ZNF491: variants seen among roughly 807,000 people sequenced by gnomAD.
ZNF491 encodes zinc finger protein 491.
ZNF491 carries 22 observed loss-of-function variants against 34.7 expected under a neutral mutation model. The observed-to-expected ratio is 0.63, with a 90% CI of 0.45 to 0.90. The LOEUF (loss-of-function observed/expected upper bound fraction) is 0.90, where lower values mean the gene tolerates loss of function less well. Ranked by LOEUF, ZNF491 falls within the 40% of genes least tolerant of loss-of-function variation. The pLI is 0.00. For missense variants in ZNF491, 559 were observed against 531.7 expected (o/e 1.05, Z -0.51); for synonymous variants, 148 against 174.3 (o/e 0.85, Z 1.19).
rs1469276313 is a variant in ZNF491, at chr19:11,799,946, G to A, written c.-134+1219G>A. ...ACTCTGTTAAAAAAAAAAAAAATTA[G>A]TCAGGTATGATGGCCGCTTCTGTAG... On this transcript the variant is annotated intron_variant, in intron 1 of 2. Transcript: ENST00000323169. Among the ~76,000 whole-genome samples, 8 of 151,400 alleles carry A rather than the reference G, an allele frequency of 5.3e-5. 1 individual carries two copies. Among genetic ancestry groups the A allele is most frequent in the Admixed American group, 5.3e-4 (8 of 15,206 alleles).
chr19:11,801,063 G>A (rs1056043246), intron 1 of ZNF491, among the ~76,000 whole-genome samples: 20 of 152,034 alleles, frequency 1.3e-4, no homozygotes, highest in African/African-American at 4.3e-4. Flanking sequence ...TTAGGGCTTG[G>A]CATGCTGGCT....
intron 2 of ZNF491, among the ~76,000 whole-genome samples, chr19:11,805,099 C>T (rs917882503): frequency 6.6e-6 from 1 of 152,126 alleles, no homozygotes; most frequent in East Asian, 1.9e-4. Flanking sequence ...CATAAAATAG[C>T]TTACTTGGAA....
chr19:11,803,842 A>G (rs1041211284), intron 1 of ZNF491, among the ~76,000 whole-genome samples: 1 of 152,196 alleles, frequency 6.6e-6, no homozygotes, highest in Non-Finnish European at 1.5e-5. Flanking sequence ...GAAGTGAGTC[A>G]CTAAGTCCAG....
At chr19:11,803,262 C>T (rs1457238685) in intron 1 of ZNF491, among the ~76,000 whole-genome samples, 2 of 152,080 alleles carry the variant, frequency 1.3e-5, no homozygotes, top group Non-Finnish European at 2.9e-5. Context: ...GGATTACAGG[C>T]GTGAGCTACC....
chr19:11,802,877 CTG>C (rs751797003), intron 1 of ZNF491, among the ~76,000 whole-genome samples: 4 of 152,014 alleles, frequency 2.6e-5, no homozygotes, highest in Non-Finnish European at 5.9e-5. Context: ...TAGTAGGACT[CTG>C]TTACAAAAGA....
rs763961665 is a variant in ZNF491, at chr19:11,806,138, A to C, written c.185A>C (p.His62Pro). Residue 62 changes from histidine to proline, a missense_variant, in exon 3 of 3, where the codon CAC (histidine) becomes CCC (proline). His to Pro is a moderately conservative substitution (Grantham distance 77). Coordinates refer to ENST00000323169, the MANE Select transcript of ZNF491 (RefSeq NM_152356.4). The stretch of plus-strand genomic sequence containing the variant: ...AGGAACATCAGAACTGACACTGGAC[A>C]CCAACCACATAAGTGTCAGAAATTT... ...FNRNIRTDTG[H>P]QPHKCQKFLE... The C allele has an allele frequency of 6.2e-7, 1 of 1,613,976 alleles. No homozygotes were observed. Among genetic ancestry groups the C allele is most frequent in the Admixed American group, 1.7e-5 (1 of 60,014 alleles).
In ZNF491 at chr19:11,806,755, G is replaced by A; in HGVS notation, c.802G>A (p.Glu268Lys). Reference sequence around the variant, plus strand: ...AAGACACATGAGAATGCACACTGGAGAGAGGCCTCATAAATGTAAGATATG... The same window carrying A: ...AAGACACATGAGAATGCACACTGGAAAGAGGCCTCATAAATGTAAGATATG... ...FRRHMRMHTG[E>K]RPHKCKICGK... Residue 268 changes from glutamate (E) to lysine (K), a missense_variant, in exon 3 of 3, where the codon GAG (glutamate) becomes AAG (lysine). Coordinates refer to ENST00000323169, the MANE Select transcript of ZNF491 (RefSeq NM_152356.4). 1 of 1,613,824 alleles carries A rather than the reference G, an allele frequency of 6.2e-7. No homozygotes were observed.
chr19:11,802,078 T>G (rs1177599728), intron 1 of ZNF491, among the ~76,000 whole-genome samples: 1 of 152,148 alleles, frequency 6.6e-6, no homozygotes, highest in East Asian at 1.9e-4. Flanking sequence ...CTCAGCCTCC[T>G]GAAAGTGTTG....
At position 11,804,577 on chromosome 19, in the gene ZNF491, C is replaced by T; in HGVS notation, c.-98C>T. On this transcript the variant is annotated 5_prime_UTR_variant, in exon 2 of 3. Transcript: ENST00000323169. ...CCTTTGAGGATGTGGCTGTGAACTT[C>T]ACCCAGGAGGAGTGGGCCTTGTTGA... 2 of 1,556,680 alleles carry T rather than the reference C, an allele frequency of 1.3e-6. No individual in the cohort carries two copies. Among genetic ancestry groups the T allele is most frequent in the African/African-American group, 1.4e-5 (1 of 71,350 alleles).
At chr19:11,804,339 G>A (rs1345765607) in intron 1 of ZNF491, among the ~76,000 whole-genome samples, 2 of 152,064 alleles carry the variant, frequency 1.3e-5, no homozygotes, top group Non-Finnish European at 2.9e-5. Context: ...TTCTGCTGTT[G>A]CTTTACCCAT....
rs1975616268 is a variant in ZNF491 at position 11,806,562 on chromosome 19, C to T, written c.609C>T (p.Arg203=). The change falls in exon 3 of 3, where the codon CGC becomes CGT. Residue 203 remains arginine, a synonymous_variant. Transcript: ENST00000323169. The stretch of plus-strand genomic sequence containing the variant: ...CATTCAATTTTTCCAGTTCCTTTCG[C>T]AGACATGAAAGGACACACACAGGAG... ...GKSFNFSSSF[R]RHERTHTGEK... is the part of the protein sequence containing the mutation. 1 of 1,613,782 alleles carries T rather than the reference C, an allele frequency of 6.2e-7. No individual in the cohort carries two copies. The highest frequency in any genetic ancestry group is 2.2e-5 in the East Asian group (1 of 44,830).
rs1272888522 is a variant in ZNF491 at position 11,806,288 on chromosome 19, T to A, written c.335T>A (p.Phe112Tyr). Residue 112 changes from phenylalanine (F) to tyrosine (Y), a missense_variant, in exon 3 of 3, where the codon TTC (phenylalanine) becomes TAC (tyrosine). Coordinates refer to ENST00000323169, the MANE Select transcript of ZNF491 (RefSeq NM_152356.4). ...GATTGTAAGGAATGTGAAAAATCTT[T>A]CATTTCTCCTGCAAGCATTCGAAGA... ...PFDCKECEKS[F>Y]ISPASIRRYM... The A allele has an allele frequency of 6.2e-7, 1 of 1,605,392 alleles. No homozygotes were observed.
rs933571232 is a variant in ZNF491, at chr19:11,808,202, T to G, written c.*935T>G. 1 of 158,210 alleles carries G rather than the reference T, an allele frequency of 6.3e-6. No homozygotes were observed. Among genetic ancestry groups the G allele is most frequent in the African/African-American group, 2.4e-5 (1 of 41,404 alleles). 9.8% of individuals were successfully genotyped at this position (158,210 alleles called of 1,614,324 possible). The stretch of plus-strand genomic sequence containing the variant: ...TTTGAGACTAGCCTGGCCAACACAG[T>G]GAAACCCCATCTCTACTAAAAGTAC... On this transcript the variant is annotated 3_prime_UTR_variant, in exon 3 of 3. Transcript: ENST00000323169.
chr19:11,806,788 GC>G lies in ZNF491; in HGVS notation c.837del (p.Tyr281ThrfsTer164), dbSNP rs757162293. On this transcript the variant is annotated frameshift_variant, in exon 3 of 3. Coordinates refer to ENST00000323169, the MANE Select transcript of ZNF491 (RefSeq NM_152356.4). LOFTEE classifies it high-confidence loss of function. The part of the protein sequence containing the change: ...RPHKCKICGK[A>X]FYSPSSFQRH... ...TCATAAATGTAAGATATGTGGGAAA[GC>G]CTTTTACTCTCCCAGTTCATTTCAA... The G allele has an allele frequency of 1.7e-5, 28 of 1,611,760 alleles. No homozygotes were observed. Among genetic ancestry groups the G allele is most frequent in the East Asian group, 1.3e-4 (6 of 44,868 alleles).
intron 1 of ZNF491, among the ~76,000 whole-genome samples, chr19:11,803,507 A>G (rs1358560806): frequency 6.6e-6 from 1 of 152,216 alleles, no homozygotes; most frequent in Non-Finnish European, 1.5e-5. Context: ...GACCCAATCC[A>G]GTATACCCCA....
chr19:11,804,398 A>G (rs1343320292), intron 1 of ZNF491, 144 bp from the exon 2 acceptor site: 67 of 1,227,052 alleles, frequency 5.5e-5, no homozygotes, highest in Non-Finnish European at 6.4e-5. Flanking sequence ...GTGAGTGTAG[A>G]CAGGGGAGTA....
rs1445186272 is a variant in ZNF491 at position 11,801,944 on chromosome 19, A to G, written c.-133-2598A>G. 3.3e-5 allele frequency among the ~76,000 whole-genome samples: 5 copies of G among 152,142 alleles called. No individual in the cohort carries two copies. In the East Asian group the frequency reaches 9.6e-4, roughly 29 times the overall value. On this transcript the variant is annotated intron_variant, in intron 1 of 2. Transcript: ENST00000323169. ...CATCCATTGATTGGCATTTAGGTTGATCTACCTGTTGGGTGTTGTGAACAA... is the reference window on the plus strand; with the variant it reads ...CATCCATTGATTGGCATTTAGGTTGGTCTACCTGTTGGGTGTTGTGAACAA...
chr19:11,802,980 CTTT>C (rs60046800), intron 1 of ZNF491, among the ~76,000 whole-genome samples: 4 of 136,772 alleles, frequency 2.9e-5, no homozygotes, highest in Non-Finnish European at 3.2e-5. Context: ...TTTTCCTATT[CTTT>C]TTTTTTTTTT....
In ZNF491 at chr19:11,806,561, G is replaced by C. The variant is rs1028132162; in HGVS notation, c.608G>C (p.Arg203Pro). Residue 203 changes from arginine (R) to proline (P), a missense_variant, in exon 3 of 3, where the codon CGC (arginine) becomes CCC (proline). Transcript: ENST00000323169. ...TCATTCAATTTTTCCAGTTCCTTTC[G>C]CAGACATGAAAGGACACACACAGGA... is the stretch of plus-strand genomic sequence containing the variant. ...GKSFNFSSSF[R>P]RHERTHTGEK... The C allele has an allele frequency of 6.2e-7, 1 of 1,613,912 alleles. No homozygotes were observed. The highest frequency in any genetic ancestry group is 1.7e-5 in the Admixed American group (1 of 59,984).
Sources: allele counts gnomAD v4.1 joint callset (sites outside exome capture counted in the v4.1 genomes callset), GRCh38; gene constraint gnomAD v4.1.1; transcripts MANE v1.5; gene names NCBI Gene and HGNC (gene_info 2026-07-23, HGNC 2026-07-21).